The following HHAT variants were observed in gnomAD, a reference collection of about 807,000 sequenced individuals.
HHAT encodes the protein protein-cysteine N-palmitoyltransferase HHAT.
In HHAT, 47 loss-of-function variants were observed where a neutral mutation model predicts 70.8. The observed-to-expected ratio is 0.66, with a 90% CI of 0.53 to 0.85. The LOEUF (loss-of-function observed/expected upper bound fraction) is 0.85, where lower values mean the gene tolerates loss of function less well. Ranked by LOEUF, HHAT falls within the 40% of genes least tolerant of loss-of-function variation. The pLI, the probability that HHAT is intolerant of heterozygous loss-of-function variation, is 0.00. For synonymous variants in HHAT, 228 were observed against 247.6 expected, an observed-to-expected ratio of 0.92 and a Z score of 0.74; for missense variants, 609 against 604.8, an observed-to-expected ratio of 1.01 and a Z score of -0.07.
chr1:210,589,130 A>T (rs193258968), intron 10 of HHAT: 137 of 152,340 alleles, frequency 9.0e-4, no homozygotes, highest in African/African-American at 3.2e-3. Flanking sequence ...CACACAGAAA[A>T]TTTGAAAAAT....
At chr1:210,500,636 G>A (rs1299483974) in intron 8 of HHAT, among the ~76,000 whole-genome samples, 1 of 152,148 alleles carries the variant, frequency 6.6e-6, no homozygotes, top group African/African-American at 2.4e-5. Context: ...GTTGTCAAGG[G>A]CAACCTGGGC....
chr1:210,398,076 G>A (rs898549503), intron 4 of HHAT, among the ~76,000 whole-genome samples: 2 of 152,250 alleles, frequency 1.3e-5, no homozygotes, highest in Non-Finnish European at 2.9e-5. Context: ...TTGGCTCACT[G>A]TAACCTCTGC....
At chr1:210,536,586 C>G (rs1442254018) in intron 9 of HHAT, among the ~76,000 whole-genome samples, 1 of 152,236 alleles carries the variant, frequency 6.6e-6, no homozygotes, top group East Asian at 1.9e-4. Context: ...GAGAATCTGT[C>G]TTTTCTTGAG....
At chr1:210,355,150 T>A (rs1206199297) in intron 2 of HHAT, among the ~76,000 whole-genome samples, 4 of 152,192 alleles carry the variant, frequency 2.6e-5, no homozygotes, top group Admixed American at 6.5e-5. Context: ...GGTATTTATT[T>A]TGGTTTATGT....
chr1:210,648,210 C>T (rs1413892514), intron 11 of HHAT, among the ~76,000 whole-genome samples: 1 of 152,212 alleles, frequency 6.6e-6, no homozygotes, highest in African/African-American at 2.4e-5. Flanking sequence ...CAGAAAGCCA[C>T]ATTATATGAG....
At chr1:210,386,222 C>CTTTTTT (rs1295756019) in intron 3 of HHAT, among the ~76,000 whole-genome samples, 3 of 69,890 alleles carry the variant, frequency 4.3e-5, no homozygotes, top group Admixed American at 1.7e-4. Context: ...GAGTCCTTTT[C>CTTTTTT]TTTTTTTCTT....
intron 11 of HHAT, among the ~76,000 whole-genome samples, chr1:210,662,817 C>T (rs118115525): frequency 1.3e-5 from 2 of 152,006 alleles, no homozygotes; most frequent in African/African-American, 2.4e-5. Context: ...GAGCTTGCAT[C>T]GGGAGTTAGG....
rs1023379785 is a variant in HHAT at position 210,328,973 on chromosome 1, A to T, written c.-175A>T. On this transcript the variant is annotated 5_prime_UTR_variant, in exon 1 of 12. In the 5' UTR this introduces an upstream ATG that the reference lacks. Transcript: ENST00000261458. Reference sequence around the variant, plus strand: ...CCTCCAAAGGGCAGCTCCGGGGGAAAGAGGGTGGCGTCCCGGGGAAGCCCG... The same window carrying T: ...CCTCCAAAGGGCAGCTCCGGGGGAATGAGGGTGGCGTCCCGGGGAAGCCCG... 1 of 1,312,598 alleles carries T rather than the reference A, an allele frequency of 7.6e-7. No homozygotes were observed. The highest frequency in any genetic ancestry group is 1.5e-5 in the African/African-American group (1 of 65,198). 81.3% of individuals were successfully genotyped at this position (1,312,598 alleles called of 1,614,324 possible).
Position 210,569,373 on chromosome 1 carries a change from CAAAAAA to C in HHAT, c.1044-18504_1044-18499del, listed in dbSNP as rs71146233. ...CGGGCGACAGAGCCAGAGTCTGCCT[CAAAAAA>C]AAAAAAAAAAAAAAAAAAAAGCGTA... On this transcript the variant is annotated intron_variant, in intron 9 of 11. Transcript: ENST00000261458. 2.8e-3 allele frequency among the ~76,000 whole-genome samples: 78 copies of C among 28,334 alleles called. 2 individuals carry two copies. Among genetic ancestry groups the C allele is most frequent in the Admixed American group, 6.8e-3 (10 of 1,474 alleles). The allele number at this position is 28,334 out of a possible 152,430, so 18.6% of individuals were successfully genotyped here. A position where few individuals can be genotyped will look rare whatever the true frequency, so the allele number is the denominator to read the frequency against.
intron 11 of HHAT, among the ~76,000 whole-genome samples, chr1:210,633,888 C>T (rs941148561): frequency 1.3e-5 from 2 of 152,280 alleles, no homozygotes; most frequent in Non-Finnish European, 2.9e-5. Flanking sequence ...GCTATTGTAG[C>T]GTGCCAGCTG....
intron 8 of HHAT, among the ~76,000 whole-genome samples, chr1:210,496,025 A>AAAAAAAG (rs1553245664): frequency 6.7e-6 from 1 of 149,908 alleles, no homozygotes; most frequent in Non-Finnish European, 1.5e-5. Flanking sequence ...AAAAAAAAAA[A>AAAAAAAG]AAAAAGAAAA....
At chr1:210,659,977 A>C (rs893614252) in intron 11 of HHAT, among the ~76,000 whole-genome samples, 9 of 152,192 alleles carry the variant, frequency 5.9e-5, no homozygotes, top group African/African-American at 2.2e-4. Context: ...GAATGGGCAA[A>C]AACTGGAAGC....
intron 10 of HHAT, among the ~76,000 whole-genome samples, chr1:210,601,882 T>C (rs1471176485): frequency 1.3e-5 from 2 of 151,488 alleles, no homozygotes; most frequent in South Asian, 2.1e-4. Context: ...AGGCTAGAGA[T>C]AGAAATTTGG....
intron 10 of HHAT, among the ~76,000 whole-genome samples, chr1:210,597,726 A>T (rs116167764): frequency 0.011 from 1,716 of 152,152 alleles, 32 homozygotes; most frequent in African/African-American, 0.039. Flanking sequence ...TCCTTTCAGG[A>T]CAGTAGGCTC....
intron 1 of HHAT, 52 bp downstream of exon 1, chr1:210,329,156 T>C: frequency 7.9e-7 from 1 of 1,266,152 alleles, no homozygotes; most frequent in Non-Finnish European, 1.0e-6. Context: ...TGCTGAATTT[T>C]CTGCGTCAGT....
chr1:210,455,693 A>T (rs2093850846), intron 7 of HHAT, among the ~76,000 whole-genome samples: 1 of 152,148 alleles, frequency 6.6e-6, no homozygotes, highest in South Asian at 2.1e-4. Context: ...AGTAGTTCTC[A>T]CCACAGAGAG....
chr1:210,392,661 C>T (rs954256569), intron 4 of HHAT, among the ~76,000 whole-genome samples: 1 of 152,054 alleles, frequency 6.6e-6, no homozygotes, highest in East Asian at 1.9e-4. Context: ...GTCTCAAACT[C>T]CTAGCTTCAA....
At position 210,401,240 on chromosome 1, in the gene HHAT, G is replaced by A. The variant is rs188419880; in HGVS notation, c.468+578G>A. On this transcript the variant is annotated intron_variant, in intron 5 of 11. Coordinates refer to ENST00000261458, the MANE Select transcript of HHAT (RefSeq NM_018194.6). The stretch of plus-strand genomic sequence containing the variant: ...AGCGATTCTCGTGCCTCAGTCAACC[G>A]AGTGGGTGGGATATAGGTACCTGCC... 3.3e-3 allele frequency among the ~76,000 whole-genome samples: 499 copies of A among 152,242 alleles called. 2 individuals are homozygous for A. The highest frequency in any genetic ancestry group is 5.2e-3 in the Non-Finnish European group (357 of 68,006).
intron 9 of HHAT, among the ~76,000 whole-genome samples, chr1:210,525,969 T>G (rs1291580924): frequency 6.6e-6 from 1 of 152,230 alleles, no homozygotes; most frequent in Non-Finnish European, 1.5e-5. Flanking sequence ...TGCGCGATCT[T>G]TCTGCCTTAT....
Sources: gnomAD v4.1 joint callset for allele counts (sites outside exome capture counted in the v4.1 genomes callset) on GRCh38, gnomAD v4.1.1 for gene constraint, MANE v1.5 for transcripts, NCBI Gene and HGNC (gene_info 2026-07-23, HGNC 2026-07-21) for gene names.